Variants in FAM131B observed in about 807,000 individuals in gnomAD.
FAM131B encodes the protein family with sequence similarity 131 member B.
FAM131B carries 19 observed loss-of-function variants against 42.0 expected under a neutral mutation model. The observed-to-expected ratio is 0.45, with a 90% CI of 0.32 to 0.66. FAM131B has a LOEUF of 0.66. Ranked by LOEUF, FAM131B falls within the 30% of genes least tolerant of loss-of-function variation. FAM131B has a pLI of 0.05. For missense variants in FAM131B, 370 were observed against 468.4 expected, an observed-to-expected ratio of 0.79 and a Z score of 1.94; for synonymous variants, 183 against 177.6, an observed-to-expected ratio of 1.03 and a Z score of -0.24.
At position 143,358,937 on chromosome 7, in the gene FAM131B, C is replaced by A; in HGVS notation, c.356G>T (p.Trp119Leu). The change falls in exon 5 of 7, where the codon TGG (tryptophan) becomes TTG (leucine). Residue 119 changes from tryptophan (W) to leucine (L), a missense_variant. Coordinates refer to ENST00000443739, the MANE Select transcript of FAM131B (RefSeq NM_001031690.3). The surrounding 1 kb of genome is among the most constrained non-coding windows in gnomAD (Gnocchi z 4.7). Reference protein sequence around the residue: ...RVAHMIEWQGWGKTPAVQPQH... With the variant: ...RVAHMIEWQGLGKTPAVQPQH... The stretch of plus-strand genomic sequence containing the variant: ...TGGCTGAACAGCTGGTGTCTTCCCC[C>A]AGCCCTGCCACTCAATCATGTGGGC... The A allele has an allele frequency of 6.2e-7, 1 of 1,614,038 alleles. No individual in the cohort carries two copies. The highest frequency in any genetic ancestry group is 1.6e-4 in the Middle Eastern group (1 of 6,062).
At chr7:143,376,257 G>T in the FAM131B span, among the ~76,000 whole-genome samples, 3 of 152,150 alleles carry the variant, frequency 2.0e-5, no homozygotes, top group Admixed American at 1.3e-4. Flanking sequence ...TGGGTGATTA[G>T]AAAATTTTTT....
At chr7:143,377,481 A>G in the FAM131B span, among the ~76,000 whole-genome samples, 4,392 of 152,172 alleles carry the variant, frequency 0.029, 231 homozygotes, top group African/African-American at 0.1. Context: ...CTGTTGATGG[A>G]CCAGGTAGGA....
chr7:143,376,762 G>A, the FAM131B span, among the ~76,000 whole-genome samples: 1 of 152,320 alleles, frequency 6.6e-6, no homozygotes, highest in East Asian at 1.9e-4. Context: ...GGGAGCAAGT[G>A]GGAAGCTGCA....
At chr7:143,374,330 G>A in the FAM131B span, among the ~76,000 whole-genome samples, 3 of 152,266 alleles carry the variant, frequency 2.0e-5, 1 homozygote, top group Admixed American at 6.5e-5. Flanking sequence ...GGCCTGTGAT[G>A]TCTCTTTCTC....
At chr7:143,373,625 A>G in the FAM131B span, among the ~76,000 whole-genome samples, 3 of 152,248 alleles carry the variant, frequency 2.0e-5, no homozygotes, top group Admixed American at 2.0e-4. Flanking sequence ...TTAGAATAAG[A>G]AGGAGAGAGG....
At chr7:143,381,539 C>A in the FAM131B span, 6 of 1,597,098 alleles carry the variant, frequency 3.8e-6, no homozygotes, top group Non-Finnish European at 4.3e-6. Context: ...CGCTGCGTAA[C>A]CCGGCGACCC....
Position 143,356,365 on chromosome 7 carries a change from G to C in FAM131B, c.*185C>G. 1 of 590,398 alleles carries C rather than the reference G, an allele frequency of 1.7e-6. No individual in the cohort carries two copies. Among genetic ancestry groups the C allele is most frequent in the Non-Finnish European group, 3.0e-6 (1 of 333,566 alleles). The allele number at this position is 590,398 out of a possible 1,614,324, so 36.6% of individuals were successfully genotyped here. A position where few individuals can be genotyped will look rare whatever the true frequency, so the allele number is the denominator to read the frequency against. On this transcript the variant is annotated 3_prime_UTR_variant, in exon 7 of 7. Transcript: ENST00000443739. This position sits in a 1 kb window ranked among gnomAD's most constrained non-coding sequence, Gnocchi z 4.4. ...CAGGTCTCAGTTCCCAGGCCTGTGG[G>C]TTTCTAGAGTGTAAGCCTGGATAAA...
At chr7:143,380,361 T>G in the FAM131B span, 1 of 984,876 alleles carries the variant, frequency 1.0e-6, no homozygotes, top group Non-Finnish European at 1.2e-6. This position sits in a 1 kb window ranked among gnomAD's most constrained non-coding sequence, Gnocchi z 5.0. Flanking sequence ...AGTCTCAGAA[T>G]GCCCAAGAGC....
chr7:143,376,482 G>A, the FAM131B span, among the ~76,000 whole-genome samples: 7 of 152,214 alleles, frequency 4.6e-5, no homozygotes, highest in African/African-American at 1.7e-4. Flanking sequence ...TTCCTGGGCT[G>A]ACCCTGAAGA....
chr7:143,382,194 C>G, the FAM131B span: 1 of 1,474,086 alleles, frequency 6.8e-7, no homozygotes, highest in Non-Finnish European at 9.4e-7. Flanking sequence ...CTGAGGGGAG[C>G]TTGGGTGAGG....
chr7:143,381,090 C>T, the FAM131B span: 1 of 582,040 alleles, frequency 1.7e-6, no homozygotes. Context: ...CTGAGCCGGG[C>T]TGGGGCGGCG....
the FAM131B span, among the ~76,000 whole-genome samples, chr7:143,369,689 A>AAG: frequency 2.0e-5 from 3 of 150,828 alleles, no homozygotes; most frequent in African/African-American, 7.3e-5. Context: ...AAAAAAAAAA[A>AAG]GTTTTAAGCG....
chr7:143,368,466 G>C, the FAM131B span, among the ~76,000 whole-genome samples: 6 of 152,210 alleles, frequency 3.9e-5, no homozygotes, highest in African/African-American at 1.4e-4. Flanking sequence ...TGTCTCCGAT[G>C]CCTGCCTGTC....
the FAM131B span, chr7:143,381,798 G>C: frequency 6.5e-7 from 1 of 1,529,292 alleles, no homozygotes; most frequent in Non-Finnish European, 8.8e-7. Flanking sequence ...CGGGGCTTGG[G>C]GAATGTACCC....
At chr7:143,380,804 G>A in the FAM131B span, 9 of 983,430 alleles carry the variant, frequency 9.2e-6, no homozygotes, top group Non-Finnish European at 1.1e-5. This position sits in a 1 kb window ranked among gnomAD's most constrained non-coding sequence, Gnocchi z 5.0. Context: ...CTGGAGCCCA[G>A]CTCCATACGT....
Position 143,359,149 on chromosome 7 carries a change from C to T in FAM131B, c.269-125G>A, listed in dbSNP as rs1370281438. On this transcript the variant is annotated intron_variant, in intron 4 of 6. Transcript: ENST00000443739. The surrounding 1 kb of genome is among the most constrained non-coding windows in gnomAD (Gnocchi z 5.4). ...CCACTGGGCCAGGCTCCCCTAAGGA[C>T]TCCATAGATGGGGTAGTGGAGGGAA... The T allele has an allele frequency of 3.6e-6, 4 of 1,101,524 alleles. No homozygotes were observed. The African/African-American group carries it at 4.6e-5, about 13-fold the overall frequency. 68.2% of individuals were successfully genotyped at this position (1,101,524 alleles called of 1,614,324 possible).
At chr7:143,369,837 C>T in the FAM131B span, among the ~76,000 whole-genome samples, 2 of 152,164 alleles carry the variant, frequency 1.3e-5, no homozygotes, top group African/African-American at 4.8e-5. Context: ...TTCAGACCAC[C>T]GTTTGGTTAA....
rs371507154 is a variant in FAM131B at position 143,357,002 on chromosome 7, T to C, written c.631A>G (p.Met211Val). The change falls in exon 7 of 7, where the codon ATG (methionine) becomes GTG (valine). Residue 211 changes from methionine (M) to valine (V), a missense_variant. By Grantham distance (21) the Met-to-Val change is conservative. Coordinates refer to ENST00000443739, the MANE Select transcript of FAM131B (RefSeq NM_001031690.3). ...ACGTAAGAGTGAGGCCATCCATCCATGGGTGCTTGAGCCAGGGCATCTGGA... is the reference window on the plus strand; with the variant it reads ...ACGTAAGAGTGAGGCCATCCATCCACGGGTGCTTGAGCCAGGGCATCTGGA... ...DSQDALAQAPMDGWPHSYVSQ... is the reference protein window; with the variant it reads ...DSQDALAQAPVDGWPHSYVSQ... 6 of 1,612,636 alleles carry C rather than the reference T, an allele frequency of 3.7e-6. No individual in the cohort carries two copies. Among genetic ancestry groups the C allele is most frequent in the Non-Finnish European group, 4.2e-6 (5 of 1,179,116 alleles).
chr7:143,376,380 C>A, the FAM131B span, among the ~76,000 whole-genome samples: 6 of 152,172 alleles, frequency 3.9e-5, no homozygotes, highest in East Asian at 1.2e-3. Flanking sequence ...ATCCAGAGTG[C>A]CTAGAATATA....
Sources: allele counts gnomAD v4.1 joint callset (sites outside exome capture counted in the v4.1 genomes callset), GRCh38; gene constraint gnomAD v4.1.1; non-coding constraint Gnocchi (gnomAD v3.1); transcripts MANE v1.5; gene names NCBI Gene and HGNC (gene_info 2026-07-23, HGNC 2026-07-21).